THSD7A: variants seen among roughly 807,000 people sequenced by gnomAD.
THSD7A encodes the protein thrombospondin type-1 domain-containing protein 7A.
In THSD7A, 96 loss-of-function variants were observed where a neutral mutation model predicts 231.3. That is an observed-to-expected ratio of 0.41 (90% confidence interval 0.35 to 0.49). The LOEUF (loss-of-function observed/expected upper bound fraction) is 0.49. THSD7A is among the 20% of genes least tolerant of loss of function. The pLI, the probability that THSD7A is intolerant of heterozygous loss-of-function variation, is 0.05. For synonymous variants in THSD7A, 940 were observed against 743.3 expected, an observed-to-expected ratio of 1.26 and a Z score of -4.30; for missense variants, 2,290 against 2,070.2, an observed-to-expected ratio of 1.11 and a Z score of -2.06.
chr7:11,705,953 T>G (rs1036280977), intron 1 of THSD7A, among the ~76,000 whole-genome samples: 1 of 150,956 alleles, frequency 6.6e-6, no homozygotes, highest in African/African-American at 2.4e-5. Flanking sequence ...CAATAATAAA[T>G]TCATATAATT....
chr7:11,720,923 G>C (rs1297275724), intron 1 of THSD7A, among the ~76,000 whole-genome samples: 2 of 151,524 alleles, frequency 1.3e-5, no homozygotes, highest in East Asian at 3.9e-4. Context: ...TTAACTGATG[G>C]TATTCTTTAG....
intron 1 of THSD7A, among the ~76,000 whole-genome samples, chr7:11,805,234 C>T (rs754256590): frequency 3.3e-5 from 5 of 152,090 alleles, no homozygotes; most frequent in African/African-American, 7.2e-5. Context: ...TCTTCTCATT[C>T]CAAAGGAGAG....
chr7:11,730,292 T>G (rs1437125639), intron 1 of THSD7A, among the ~76,000 whole-genome samples: 1 of 151,528 alleles, frequency 6.6e-6, no homozygotes, highest in Non-Finnish European at 1.5e-5. Flanking sequence ...CAAAATCGAG[T>G]AATATTCTTG....
chr7:11,660,824 GC>G (rs1291324291), intron 1 of THSD7A, among the ~76,000 whole-genome samples: 2 of 151,448 alleles, frequency 1.3e-5, no homozygotes, highest in East Asian at 3.9e-4. Flanking sequence ...TGGCATACTA[GC>G]TTGTATGAGA....
intron 6 of THSD7A, among the ~76,000 whole-genome samples, chr7:11,540,093 CT>C (rs936014562): frequency 6.6e-6 from 1 of 151,624 alleles, no homozygotes; most frequent in Non-Finnish European, 1.5e-5. Flanking sequence ...TTACTTCCTC[CT>C]TTTTTTCCTC....
chr7:11,696,361 T>C (rs1210464435), intron 1 of THSD7A, among the ~76,000 whole-genome samples: 3 of 151,656 alleles, frequency 2.0e-5, no homozygotes, highest in Non-Finnish European at 4.4e-5. Context: ...GACAAAAATA[T>C]AGCTGGAAGA....
chr7:11,817,329 G>C (rs1784735871), intron 1 of THSD7A, among the ~76,000 whole-genome samples: 1 of 152,190 alleles, frequency 6.6e-6, no homozygotes, highest in Non-Finnish European at 1.5e-5. Flanking sequence ...GTCCCACTTA[G>C]AGACTCCAAC....
chr7:11,750,568 C>T (rs1253440832), intron 1 of THSD7A, among the ~76,000 whole-genome samples: 6 of 151,862 alleles, frequency 4.0e-5, no homozygotes, highest in Admixed American at 3.3e-4. Flanking sequence ...TTTGCAGACA[C>T]GAGATTACCA....
intron 22 of THSD7A, among the ~76,000 whole-genome samples, chr7:11,404,376 A>G (rs1783511292): frequency 6.6e-6 from 1 of 152,210 alleles, no homozygotes; most frequent in African/African-American, 2.4e-5. Context: ...TCTGACAAGG[A>G]TGCCCGTTCT....
intron 1 of THSD7A, among the ~76,000 whole-genome samples, chr7:11,798,743 A>G (rs887188098): frequency 3.9e-5 from 6 of 152,048 alleles, no homozygotes; most frequent in Non-Finnish European, 8.8e-5. Context: ...TAAATTATTT[A>G]TTTTTGCAAA....
Position 11,406,984 on chromosome 7 carries a change from C to T in THSD7A, c.3988G>A (p.Asp1330Asn). The T allele has an allele frequency of 6.2e-7, 1 of 1,613,808 alleles. No homozygotes were observed. The highest frequency in any genetic ancestry group is 8.5e-7 in the Non-Finnish European group (1 of 1,179,836). Residue 1330 changes from aspartate to asparagine, a missense_variant, in exon 21 of 28, where the codon GAC becomes AAC. Physicochemically the swap from Asp to Asn is conservative, Grantham distance 23. Coordinates refer to ENST00000423059, the MANE Select transcript of THSD7A (RefSeq NM_015204.3). This position sits in a 1 kb window ranked among gnomAD's most constrained non-coding sequence, Gnocchi z 4.7. ...GDGRPCPSLM[D>N]QSKPCPVKPC... The stretch of plus-strand genomic sequence containing the variant: ...TTCACTGGGCAGGGTTTGGACTGGT[C>T]CATCAGGGAAGGGCATGGTCTTCCA...
Position 11,379,247 on chromosome 7 carries a change from C to T in THSD7A, c.4624G>A (p.Glu1542Lys). The T allele has an allele frequency of 6.2e-7, 1 of 1,613,644 alleles. No individual in the cohort carries two copies. Among genetic ancestry groups the T allele is most frequent in the Non-Finnish European group, 8.5e-7 (1 of 1,179,628 alleles). Residue 1542 changes from glutamate (E) to lysine (K), a missense_variant, in exon 26 of 28, where the codon GAA (glutamate) becomes AAA (lysine). By Grantham distance (56) the Glu-to-Lys change is moderately conservative. Transcript: ENST00000423059. The part of the protein sequence containing the change: ...KTCHCEEGYT[E>K]VMSSNSTLEQ... ...AGGGTGCTGTTAGAAGACATGACTTCAGTGTACCCTTCTTCACAATGGCAT... is the reference window on the plus strand; with the variant it reads ...AGGGTGCTGTTAGAAGACATGACTTTAGTGTACCCTTCTTCACAATGGCAT...
intron 1 of THSD7A, among the ~76,000 whole-genome samples, chr7:11,763,839 G>T (rs1006571877): frequency 6.6e-6 from 1 of 152,052 alleles, no homozygotes; most frequent in African/African-American, 2.4e-5. Flanking sequence ...ATTTAAAGGT[G>T]ATATGTTATA....
chr7:11,814,464 T>A lies in THSD7A; in HGVS notation c.190+17293A>T, dbSNP rs2128185186. Among the ~76,000 whole-genome samples the A allele has an allele frequency of 6.6e-6, 1 of 152,206 alleles. No homozygotes were observed. The highest frequency in any genetic ancestry group is 2.1e-4 in the South Asian group (1 of 4,828). On this transcript the variant is annotated intron_variant, in intron 1 of 27. Transcript: ENST00000423059. This position sits in a 1 kb window ranked among gnomAD's most constrained non-coding sequence, Gnocchi z 5.1. The stretch of plus-strand genomic sequence containing the variant: ...TAGCTTTTAGACGATGCTATCAGGG[T>A]AGAAAATTACCTCAAGAAGAATGAT...
chr7:11,754,019 A>G (rs887419280), intron 1 of THSD7A, among the ~76,000 whole-genome samples: 1 of 152,062 alleles, frequency 6.6e-6, no homozygotes, highest in Admixed American at 6.6e-5. Context: ...TTAAATGTCT[A>G]TTTTTAACAA....
At chr7:11,808,111 T>A (rs574240119) in intron 1 of THSD7A, among the ~76,000 whole-genome samples, 1 of 152,148 alleles carries the variant, frequency 6.6e-6, no homozygotes, top group South Asian at 2.1e-4. Context: ...GCTGTTCTGA[T>A]TACGCCAGGG....
In THSD7A at chr7:11,831,898, C is replaced by T; in HGVS notation, c.49G>A (p.Gly17Arg). The change falls in exon 1 of 28, where the codon GGG (glycine) becomes AGG (arginine). Residue 17 changes from glycine to arginine, a missense_variant. Coordinates refer to ENST00000423059, the MANE Select transcript of THSD7A (RefSeq NM_015204.3). The surrounding 1 kb of genome is among the most constrained non-coding windows in gnomAD (Gnocchi z 5.0). ...AGCTGCAGGACGCCCCGGCGCGGCC[C>T]CGCAGCGCCCCGGCTCCCGGACGCC... is the stretch of plus-strand genomic sequence containing the variant. Reference protein sequence around the residue: ...RWASGSRGAAGPRRGVLQLLP... With the variant: ...RWASGSRGAARPRRGVLQLLP... 8.1e-7 allele frequency: 1 copy of T among 1,240,296 alleles called. No individual in the cohort carries two copies. The highest frequency in any genetic ancestry group is 1.0e-6 in the Non-Finnish European group (1 of 995,808). The allele number at this position is 1,240,296 out of a possible 1,614,324, so 76.8% of individuals were successfully genotyped here.
At chr7:11,686,624 A>G (rs372789351) in intron 1 of THSD7A, among the ~76,000 whole-genome samples, 1 of 151,916 alleles carries the variant, frequency 6.6e-6, no homozygotes, top group South Asian at 2.1e-4. Context: ...AAAATCTGGT[A>G]TATACACACT....
At chr7:11,688,311 C>T (rs1033999456) in intron 1 of THSD7A, among the ~76,000 whole-genome samples, 5 of 151,734 alleles carry the variant, frequency 3.3e-5, no homozygotes, top group African/African-American at 1.2e-4. Context: ...AATGCCTGGG[C>T]GTCACCCAAG....
Sources: allele counts gnomAD v4.1 joint callset (sites outside exome capture counted in the v4.1 genomes callset), GRCh38; gene constraint gnomAD v4.1.1; non-coding constraint Gnocchi (gnomAD v3.1); transcripts MANE v1.5; gene names NCBI Gene and HGNC (gene_info 2026-07-23, HGNC 2026-07-21).